Variants in DISP2 observed in about 807,000 individuals in gnomAD.
DISP2 encodes the protein dispatched RND transporter family member 2.
In DISP2, 59 loss-of-function variants were observed where a neutral mutation model predicts 95.5. The observed-to-expected ratio is 0.62, with a 90% CI of 0.50 to 0.77. The LOEUF is 0.77. DISP2 is among the 30% of genes least tolerant of loss of function. The pLI is 0.00. For missense variants in DISP2, 1,752 were observed against 1,854.6 expected, an observed-to-expected ratio of 0.94 and a Z score of 1.02; for synonymous variants, 827 against 815.0, an observed-to-expected ratio of 1.01 and a Z score of -0.25.
Position 40,374,014 on chromosome 15 carries a change from A to AAAAAAAAAAAAAAATATATATATAT in DISP2, c.*3697_*3698insAAAAAAAAAAAAATATATATATATA. ...GCGAGACTCCATCTTAAAAAAAAAA[A>AAAAAAAAAAAAAAATATATATATAT]ATATATATATATATATATGTAAACT... On this transcript the variant is annotated 3_prime_UTR_variant, in exon 8 of 8. Transcript: ENST00000267889. 1 of 104,194 alleles carries AAAAAAAAAAAAAAATATATATATAT rather than the reference A, an allele frequency of 9.6e-6. No individual in the cohort carries two copies. Among genetic ancestry groups the AAAAAAAAAAAAAAATATATATATAT allele is most frequent in the African/African-American group, 4.2e-5 (1 of 23,940 alleles). The allele number at this position is 104,194 out of a possible 1,614,324, so 6.5% of individuals were successfully genotyped here. A position where few individuals can be genotyped will look rare whatever the true frequency, so the allele number is the denominator to read the frequency against.
At position 40,369,615 on chromosome 15, in the gene DISP2, T is replaced by C; in HGVS notation, c.3503T>C (p.Leu1168Pro). 6.2e-7 allele frequency: 1 copy of C among 1,611,612 alleles called. No homozygotes were observed. ...TCAGAGCAATATGAGCTACAGCCCC[T>C]GGCACGGCGTCGGAGCCCCAGCTTT... ...SCSEQYELQP[L>P]ARRRSPSFDT... Residue 1168 changes from leucine (L) to proline (P), a missense_variant, in exon 8 of 8, where the codon CTG (leucine) becomes CCG (proline). This residue lies in a region of DISP2 where 347 missense variants were observed against 344.2 expected (regional missense o/e 1.01). Transcript: ENST00000267889.
chr15:40,359,470 G>A (rs2141257878), intron 1 of DISP2, among the ~76,000 whole-genome samples: 1 of 152,336 alleles, frequency 6.6e-6, no homozygotes, highest in East Asian at 1.9e-4. Flanking sequence ...CTTCAAGAAG[G>A]TGAGACACAG....
Position 40,363,806 on chromosome 15 carries a change from G to T in DISP2, c.301G>T (p.Glu101Ter), listed in dbSNP as rs1192958553. 6.2e-7 allele frequency: 1 copy of T among 1,612,528 alleles called. No individual in the cohort carries two copies. Among genetic ancestry groups the T allele is most frequent in the Non-Finnish European group, 8.5e-7 (1 of 1,179,074 alleles). ...CTTCACCTATCCCCGGGCACTGCAG[G>T]AATACCAGGGGGGCAGTTCCCTGCC... ...AHFTYPRALQ[E>*]YQGGSSLPGL... Residue 101 changes from glutamate (E) to a stop codon, truncating the protein, a stop_gained, in exon 2 of 8, where the codon GAA becomes TAA. Transcript: ENST00000267889. LOFTEE classifies it high-confidence loss of function.
Position 40,370,367 on chromosome 15 carries a change from C to A in DISP2, c.*49C>A. On this transcript the variant is annotated 3_prime_UTR_variant, in exon 8 of 8. Coordinates refer to ENST00000267889, the MANE Select transcript of DISP2 (RefSeq NM_033510.3). ...GGGCGCGGAACCCTGTCATGGATGA[C>A]AAGGCAAGGGCAGCAATAGGCTGGA... 1 of 1,506,270 alleles carries A rather than the reference C, an allele frequency of 6.6e-7. No homozygotes were observed. Among genetic ancestry groups the A allele is most frequent in the Non-Finnish European group, 8.8e-7 (1 of 1,131,756 alleles). The allele number at this position is 1,506,270 out of a possible 1,614,324, so 93.3% of individuals were successfully genotyped here. A position where few individuals can be genotyped will look rare whatever the true frequency, so the allele number is the denominator to read the frequency against.
At position 40,358,375 on chromosome 15, in the gene DISP2, G is replaced by A; in HGVS notation, c.54G>A (p.Pro18=). 7.3e-7 allele frequency: 1 copy of A among 1,367,420 alleles called. No homozygotes were observed. The allele number at this position is 1,367,420 out of a possible 1,614,324, so 84.7% of individuals were successfully genotyped here. The change falls in exon 1 of 8, where the codon CCG becomes CCA. Residue 18 remains proline (P), a synonymous_variant. Transcript: ENST00000267889. ...GCGGCAGCGGTCCGGCTCCCGGCCC[G>A]GGTCCGGAAGGGGAGCAACGGCCCG... ...SSGGSGPAPG[P]GPEGEQRPEG...
At position 40,363,546 on chromosome 15, in the gene DISP2, C is replaced by T. The variant is rs972319859; in HGVS notation, c.120-79C>T. ...GTCCCTGTCCCCTTGTCTTGTCTTA[C>T]TGAACTGAATAATGCTGGGGCATGG... On this transcript the variant is annotated intron_variant, in intron 1 of 7. Coordinates refer to ENST00000267889, the MANE Select transcript of DISP2 (RefSeq NM_033510.3). 4 of 1,071,270 alleles carry T rather than the reference C, an allele frequency of 3.7e-6. No homozygotes were observed. In the African/African-American group the frequency reaches 6.4e-5, roughly 17 times the overall value. 66.4% of individuals were successfully genotyped at this position (1,071,270 alleles called of 1,614,324 possible).
rs1485870431 is a variant in DISP2 at position 40,378,207 on chromosome 15, A to G, written c.*7889A>G. 1 of 152,276 alleles carries G rather than the reference A, an allele frequency of 6.6e-6. No individual in the cohort carries two copies. The highest frequency in any genetic ancestry group is 1.5e-5 in the Non-Finnish European group (1 of 68,048). The allele number at this position is 152,276 out of a possible 1,614,324, so 9.4% of individuals were successfully genotyped here. ...ACCTATGTGAGAATTAGACAAGGACACTAAAAGAATTATTATAACTGTATT... is the reference window on the plus strand; with the variant it reads ...ACCTATGTGAGAATTAGACAAGGACGCTAAAAGAATTATTATAACTGTATT... On this transcript the variant is annotated 3_prime_UTR_variant, in exon 8 of 8. Transcript: ENST00000267889.
At position 40,367,886 on chromosome 15, in the gene DISP2, C is replaced by G. The variant is rs768143704; in HGVS notation, c.1774C>G (p.Leu592Val). Reference sequence around the variant, plus strand: ...CCGCACCATGCACCACTTCGGCTACCTGCTGCTGGTCTCCGGCCTCACCAC... The same window carrying G: ...CCGCACCATGCACCACTTCGGCTACGTGCTGCTGGTCTCCGGCCTCACCAC... Reference protein sequence around the residue: ...VGRTMHHFGYLLLVSGLTTSA... With the variant: ...VGRTMHHFGYVLLVSGLTTSA... Residue 592 changes from leucine to valine, a missense_variant, in exon 8 of 8, where the codon CTG becomes GTG. Leu to Val is a conservative substitution (Grantham distance 32). Coordinates refer to ENST00000267889, the MANE Select transcript of DISP2 (RefSeq NM_033510.3). The G allele has an allele frequency of 1.3e-6, 2 of 1,599,108 alleles. No homozygotes were observed. The highest frequency in any genetic ancestry group is 1.7e-6 in the Non-Finnish European group (2 of 1,179,588).
At chr15:40,359,408 A>G (rs976784219) in intron 1 of DISP2, among the ~76,000 whole-genome samples, 1 of 152,240 alleles carries the variant, frequency 6.6e-6, no homozygotes, top group African/African-American at 2.4e-5. Flanking sequence ...TTTATTGTTA[A>G]CACATTAGCC....
At position 40,373,863 on chromosome 15, in the gene DISP2, G is replaced by A. The variant is rs960345208; in HGVS notation, c.*3545G>A. 4 of 151,152 alleles carry A rather than the reference G, an allele frequency of 2.6e-5. No homozygotes were observed. Among genetic ancestry groups the A allele is most frequent in the African/African-American group, 9.8e-5 (4 of 41,012 alleles). The allele number at this position is 151,152 out of a possible 1,614,324, so 9.4% of individuals were successfully genotyped here. On this transcript the variant is annotated 3_prime_UTR_variant, in exon 8 of 8. Coordinates refer to ENST00000267889, the MANE Select transcript of DISP2 (RefSeq NM_033510.3). ...TACTAAAAATACAAAAATTAGCCGG[G>A]TGTGGTGGCGGGCGCCTGTAGTCCC...
Position 40,369,270 on chromosome 15 carries a change from C to T in DISP2, c.3158C>T (p.Ala1053Val), listed in dbSNP as rs1382568898. The T allele has an allele frequency of 3.7e-6, 6 of 1,613,812 alleles. No individual in the cohort carries two copies. Among genetic ancestry groups the T allele is most frequent in the South Asian group, 1.1e-5 (1 of 91,090 alleles). The part of the protein sequence containing the change: ...CPHPDRLSRV[A>V]FSLRQTSCAT... ...CACCCTGACCGCCTGAGCCGTGTGGCCTTCTCTCTGCGCCAGACCAGCTGC... is the reference window on the plus strand; with the variant it reads ...CACCCTGACCGCCTGAGCCGTGTGGTCTTCTCTCTGCGCCAGACCAGCTGC... Residue 1053 changes from alanine to valine, a missense_variant, in exon 8 of 8, where the codon GCC becomes GTC. Transcript: ENST00000267889.
chr15:40,369,819 C>A lies in DISP2; in HGVS notation c.3707C>A (p.Pro1236His), dbSNP rs1276403596. 3 of 1,588,048 alleles carry A rather than the reference C, an allele frequency of 1.9e-6. No individual in the cohort carries two copies. Among genetic ancestry groups the A allele is most frequent in the East Asian group, 2.3e-5 (1 of 44,444 alleles). The change falls in exon 8 of 8, where the codon CCC becomes CAC. Residue 1236 changes from proline to histidine, a missense_variant. Pro to His is a moderately conservative substitution (Grantham distance 77, BLOSUM62 -2). Transcript: ENST00000267889. ...SQCPALQTSS[P>H]YKQAGPSPKT... The stretch of plus-strand genomic sequence containing the variant: ...TGCCCTGCCCTGCAGACCTCCTCCC[C>A]CTATAAGCAGGCTGGCCCCAGCCCC...
intron 4 of DISP2, 75 bp from the exon 5 acceptor site, chr15:40,364,763 G>T: frequency 6.8e-7 from 1 of 1,479,102 alleles, no homozygotes; most frequent in Middle Eastern, 2.2e-4. Context: ...GGAGTCAAAG[G>T]GGCAGAGCTG....
chr15:40,365,950 C>A (rs1889491909), intron 7 of DISP2, among the ~76,000 whole-genome samples: 1 of 152,194 alleles, frequency 6.6e-6, no homozygotes, highest in Admixed American at 6.5e-5. Flanking sequence ...GGAAGCGAGC[C>A]CATGCAGGGA....
At chr15:40,360,746 C>G (rs1231071619) in intron 1 of DISP2, among the ~76,000 whole-genome samples, 2 of 152,190 alleles carry the variant, frequency 1.3e-5, no homozygotes, top group African/African-American at 4.8e-5. Flanking sequence ...CCAAGTGGGG[C>G]CCTGGCTCCT....
rs760181257 is a variant in DISP2 at position 40,365,728 on chromosome 15, G to A, written c.945+3G>A. The A allele has an allele frequency of 1.7e-5, 28 of 1,613,752 alleles. No homozygotes were observed. The East Asian group carries it at 6.0e-4, about 35-fold the overall frequency. On this transcript the variant is annotated splice_donor_region_variant and intron_variant, in intron 7 of 7. Transcript: ENST00000267889. The stretch of plus-strand genomic sequence containing the variant: ...TGTGTCGCATGGAACAGGACCAGGT[G>A]AGCTGGTGGGGGAGGTGCCAGGGGT...
rs747766909 is a variant in DISP2, at chr15:40,367,183, C to T, written c.1071C>T (p.Thr357=). ...ACCGCTCCTCCTGCCTGGACACTAC[C>T]CAAGCTGACGCAGCCCGCACACTGG... is the stretch of plus-strand genomic sequence containing the variant. ...LSNRSSCLDT[T]QADAARTLAL... Residue 357 remains threonine, a synonymous_variant, in exon 8 of 8, where the codon ACC becomes ACT. Transcript: ENST00000267889. 6.2e-7 allele frequency: 1 copy of T among 1,613,992 alleles called. No homozygotes were observed. The highest frequency in any genetic ancestry group is 8.5e-7 in the Non-Finnish European group (1 of 1,180,014).
Position 40,364,943 on chromosome 15 carries a change from G to C in DISP2, c.709G>C (p.Glu237Gln). 2 of 1,614,094 alleles carry C rather than the reference G, an allele frequency of 1.2e-6. No individual in the cohort carries two copies. The highest frequency in any genetic ancestry group is 2.2e-5 in the South Asian group (2 of 91,058). ...RKLLFLSPDL[E>Q]LNSSSSHNTL... is the part of the protein sequence containing the mutation. The stretch of plus-strand genomic sequence containing the variant: ...GCTGCTTTTCCTTTCCCCAGACCTT[G>C]AGCTGAACAGGTAACAGGCTCTCAT... The change falls in exon 5 of 8, where the codon GAG (glutamate) becomes CAG (glutamine). Residue 237 changes from glutamate to glutamine, a missense_variant. By Grantham distance (29) the Glu-to-Gln change is conservative. Around this residue, in one of 5 missense-constraint regions of DISP2, gnomAD observed 342 missense variants for 364.3 expected, o/e 0.94. Transcript: ENST00000267889.
rs778061005 is a variant in DISP2 at position 40,367,615 on chromosome 15, C to T, written c.1503C>T (p.Phe501=). The change falls in exon 8 of 8, where the codon TTC becomes TTT. Residue 501 remains phenylalanine (F), a synonymous_variant. Coordinates refer to ENST00000267889, the MANE Select transcript of DISP2 (RefSeq NM_033510.3). ...YPLLALVAIF[F]GMALYLRSLF... ...TGCTGGCTCTGGTTGCCATCTTCTTCGGCATGGCCCTGTACCTGCGCTCAC... is the reference window on the plus strand; with the variant it reads ...TGCTGGCTCTGGTTGCCATCTTCTTTGGCATGGCCCTGTACCTGCGCTCAC... 1.1e-5 allele frequency: 17 copies of T among 1,613,864 alleles called. No individual in the cohort carries two copies. The highest frequency in any genetic ancestry group is 1.0e-4 in the Admixed American group (6 of 60,006).
Sources: allele counts gnomAD v4.1 joint callset (sites outside exome capture counted in the v4.1 genomes callset), GRCh38; gene constraint gnomAD v4.1.1; regional missense constraint gnomAD v4.1.1; transcripts MANE v1.5; gene names NCBI Gene and HGNC (gene_info 2026-07-23, HGNC 2026-07-21).